Variants in PEX7 observed in about 807,000 individuals in gnomAD.
PEX7 encodes the protein peroxisomal biogenesis factor 7, also known as PTS2 receptor.
Under a neutral mutation model 47.5 loss-of-function variants are expected in PEX7, and 34 were observed. That is an observed-to-expected ratio of 0.72 (90% CI 0.54 to 0.95). The LOEUF (loss-of-function observed/expected upper bound fraction) is 0.95, where lower values mean the gene tolerates loss of function less well. PEX7 is among the 40% of genes least tolerant of loss of function. The pLI is 0.00. For missense variants in PEX7, 394 were observed against 400.3 expected (o/e 0.98, Z 0.13); for synonymous variants, 141 against 148.8 (o/e 0.95, Z 0.38).
chr6:136,830,100 G>T lies in PEX7; in HGVS notation c.339+3631G>T, dbSNP rs1774267878. On this transcript the variant is annotated intron_variant, in intron 3 of 9. Coordinates refer to ENST00000318471, the MANE Select transcript of PEX7 (RefSeq NM_000288.4). ...GTATATAATAAAGACGTATAGCATG[G>T]TTTTAGTCAATCTTGGATTTGAATC... The T allele has an allele frequency of 8.6e-6, 6 of 695,468 alleles. No individual in the cohort carries two copies. The South Asian group carries it at 9.6e-5, about 11-fold the overall frequency. The allele number at this position is 695,468 out of a possible 1,614,324, so 43.1% of individuals were successfully genotyped here. A position where few individuals can be genotyped will look rare whatever the true frequency, so the allele number is the denominator to read the frequency against.
Position 136,846,287 on chromosome 6 carries a change from A to G in PEX7, c.526+106A>G, listed in dbSNP as rs561423265. 5.1e-4 allele frequency: 292 copies of G among 572,656 alleles called. 1 individual carries two copies. Among genetic ancestry groups the G allele is most frequent in the African/African-American group, 5.1e-3 (269 of 52,974 alleles). 35.5% of individuals were successfully genotyped at this position (572,656 alleles called of 1,614,324 possible). On this transcript the variant is annotated intron_variant, in intron 5 of 9. Transcript: ENST00000318471. ...CTTAGCTTCAGAGAGAAAACAGGAG[A>G]ATATTACTATTCTTTTGTGTTCTTA...
intron 8 of PEX7, among the ~76,000 whole-genome samples, chr6:136,885,033 C>T (rs183337407): frequency 1.4e-4 from 21 of 152,226 alleles, no homozygotes; most frequent in African/African-American, 4.8e-4. Flanking sequence ...TTGTGCCAAC[C>T]GTGCATAAGC....
At chr6:136,901,965 A>G (rs981093522) in intron 9 of PEX7, among the ~76,000 whole-genome samples, 2 of 152,090 alleles carry the variant, frequency 1.3e-5, no homozygotes, top group Non-Finnish European at 2.9e-5. Context: ...TTGTATTTTT[A>G]GTAGAGATGG....
intron 5 of PEX7, among the ~76,000 whole-genome samples, chr6:136,859,833 A>C (rs1178706996): frequency 2.6e-5 from 4 of 151,766 alleles, no homozygotes; most frequent in African/African-American, 9.7e-5. Context: ...GACCAGCCTG[A>C]CCAACATGGT....
intron 8 of PEX7, among the ~76,000 whole-genome samples, chr6:136,888,459 G>A (rs150737837): frequency 1.5e-4 from 23 of 152,120 alleles, no homozygotes; most frequent in South Asian, 1.0e-3. Flanking sequence ...CCCTATCACC[G>A]TTTTTTGCTT....
intron 8 of PEX7, among the ~76,000 whole-genome samples, chr6:136,888,198 G>C (rs1775500170): frequency 6.6e-6 from 1 of 152,090 alleles, no homozygotes; most frequent in African/African-American, 2.4e-5. Context: ...AGGTCAGTCA[G>C]AGTAAACAGA....
intron 8 of PEX7, among the ~76,000 whole-genome samples, chr6:136,892,181 C>A (rs753840969): frequency 3.3e-5 from 5 of 152,108 alleles, no homozygotes; most frequent in Non-Finnish European, 7.4e-5. Flanking sequence ...TGTATTCTGG[C>A]TCATAATTTC....
At position 136,845,648 on chromosome 6, in the gene PEX7, G is replaced by T. The variant is rs769137963; in HGVS notation, c.373G>T (p.Glu125Ter). The T allele has an allele frequency of 6.2e-7, 1 of 1,611,602 alleles. No individual in the cohort carries two copies. The highest frequency in any genetic ancestry group is 2.2e-5 in the East Asian group (1 of 44,826). The change falls in exon 4 of 10, where the codon GAA becomes TAA. Residue 125 changes from glutamate to a stop codon, truncating the protein, a stop_gained. Transcript: ENST00000318471. LOFTEE classifies it high-confidence loss of function. The part of the protein sequence containing the change: ...YSVDWSQTRG[E>*]QLVVSGSWDQ... ...TGTTGATTGGAGCCAAACCAGAGGT[G>T]AACAGCTTGTGGTGTCTGGCTCATG...
intron 9 of PEX7, among the ~76,000 whole-genome samples, chr6:136,910,451 C>A (rs1359495790): frequency 6.6e-6 from 1 of 152,062 alleles, no homozygotes; most frequent in Non-Finnish European, 1.5e-5. Flanking sequence ...TAAAGGGAAG[C>A]GATCAGTAAA....
At chr6:136,908,741 T>C (rs554052270) in intron 9 of PEX7, among the ~76,000 whole-genome samples, 2 of 152,328 alleles carry the variant, frequency 1.3e-5, no homozygotes, top group Non-Finnish European at 2.9e-5. Flanking sequence ...TCTCGAAAGA[T>C]TGAGTTTCGT....
At chr6:136,906,229 C>T (rs1775842870) in intron 9 of PEX7, among the ~76,000 whole-genome samples, 1 of 151,744 alleles carries the variant, frequency 6.6e-6, no homozygotes, top group East Asian at 1.9e-4. Context: ...AATTGTGTGG[C>T]CAGTTAGAAA....
Position 136,845,676 on chromosome 6 carries a change from A to T in PEX7, c.401A>T (p.Asp134Val), listed in dbSNP as rs1774584040. ...CAGCTTGTGGTGTCTGGCTCATGGG[A>T]TCAAACTGTCAAATTGGTATGTTAG... ...GEQLVVSGSW[D>V]QTVKLWDPTV... Residue 134 changes from aspartate (D) to valine (V), a missense_variant, in exon 4 of 10, where the codon GAT (aspartate) becomes GTT (valine). Physicochemically the swap from Asp to Val is radical, Grantham distance 152. Coordinates refer to ENST00000318471, the MANE Select transcript of PEX7 (RefSeq NM_000288.4). 6.2e-6 allele frequency: 10 copies of T among 1,604,456 alleles called. No individual in the cohort carries two copies. Among genetic ancestry groups the T allele is most frequent in the Non-Finnish European group, 8.5e-6 (10 of 1,171,186 alleles).
intron 6 of PEX7, among the ~76,000 whole-genome samples, chr6:136,869,091 T>C (rs1315396807): frequency 6.6e-6 from 1 of 152,044 alleles, no homozygotes; most frequent in Admixed American, 6.6e-5. Context: ...TTGAAACCCT[T>C]TTTGTTTGTT....
intron 8 of PEX7, among the ~76,000 whole-genome samples, chr6:136,889,573 A>G (rs1320958037): frequency 6.6e-6 from 1 of 152,240 alleles, no homozygotes; most frequent in Non-Finnish European, 1.5e-5. Context: ...TGGACTTTCT[A>G]AATTAATTTG....
At chr6:136,853,733 T>C (rs1180091292) in intron 5 of PEX7, among the ~76,000 whole-genome samples, 1 of 152,188 alleles carries the variant, frequency 6.6e-6, no homozygotes, top group Non-Finnish European at 1.5e-5. Flanking sequence ...ATGACTGAGG[T>C]GAAAGATTAT....
At chr6:136,829,965 A>G (rs1408527627) in intron 3 of PEX7, 2 of 697,206 alleles carry the variant, frequency 2.9e-6, no homozygotes, top group Non-Finnish European at 5.2e-6. Context: ...AAAAAAGTTG[A>G]TAATGAACAT....
At chr6:136,891,811 A>G (rs1030752533) in intron 8 of PEX7, among the ~76,000 whole-genome samples, 2 of 152,016 alleles carry the variant, frequency 1.3e-5, no homozygotes, top group African/African-American at 4.8e-5. Context: ...TGCCTGGCTA[A>G]TTTTTGTATT....
Position 136,826,437 on chromosome 6 carries a change from C to T in PEX7, c.307C>T (p.Pro103Ser). 1 of 1,613,798 alleles carries T rather than the reference C, an allele frequency of 6.2e-7. No homozygotes were observed. The highest frequency in any genetic ancestry group is 1.1e-5 in the South Asian group (1 of 91,052). Residue 103 changes from proline (P) to serine (S), a missense_variant, in exon 3 of 10, where the codon CCA (proline) becomes TCA (serine). Physicochemically the swap from Pro to Ser is moderately conservative, Grantham distance 74 (BLOSUM62 -1). Coordinates refer to ENST00000318471, the MANE Select transcript of PEX7 (RefSeq NM_000288.4). ...QLWDTAKAAGPLQVYKEHAQE... is the reference protein window; with the variant it reads ...QLWDTAKAAGSLQVYKEHAQE... ...CTGGGACACTGCCAAAGCTGCAGGG[C>T]CACTGCAAGTCTATAAAGAACACGC...
At chr6:136,911,889 C>T (rs1280027299) in intron 9 of PEX7, among the ~76,000 whole-genome samples, 7 of 152,092 alleles carry the variant, frequency 4.6e-5, no homozygotes, top group African/African-American at 1.7e-4. Context: ...AATGGTGGTA[C>T]CATATACCTT....
Sources: gnomAD v4.1 joint callset for allele counts (sites outside exome capture counted in the v4.1 genomes callset) on GRCh38, gnomAD v4.1.1 for gene constraint, MANE v1.5 for transcripts, NCBI Gene and HGNC (gene_info 2026-07-23, HGNC 2026-07-21) for gene names.